SRD5A2: variants seen among roughly 807,000 people sequenced by gnomAD.
The protein encoded by SRD5A2 is steroid 5 alpha-reductase 2.
In SRD5A2, 30 loss-of-function variants were observed where a neutral mutation model predicts 27.4. The observed-to-expected ratio is 1.10, with a 90% CI of 0.82 to 1.49. The LOEUF is 1.49. Ranked by LOEUF, SRD5A2 falls within the 40% of genes most tolerant of loss-of-function variation. The probability of loss-of-function intolerance (pLI) is 0.00; values close to 1 mark genes in which losing one functional copy is unlikely to be tolerated. For missense variants in SRD5A2, 348 were observed against 323.4 expected (o/e 1.08, Z -0.58); for synonymous variants, 141 against 133.6 (o/e 1.06, Z -0.38).
chr2:31,637,113 T>C, the SRD5A2 span, among the ~76,000 whole-genome samples: 5 of 152,096 alleles, frequency 3.3e-5, no homozygotes, highest in Non-Finnish European at 5.9e-5. Context: ...GGCTTTTCTT[T>C]GATGAGAGAT....
At chr2:31,551,640 GA>G (rs1332882420) in intron 1 of SRD5A2, among the ~76,000 whole-genome samples, 1 of 152,166 alleles carries the variant, frequency 6.6e-6, no homozygotes, top group East Asian at 1.9e-4. Flanking sequence ...GGTTTCTACT[GA>G]ATGCATTTTG....
At chr2:31,605,439 C>A in the SRD5A2 span, among the ~76,000 whole-genome samples, 1 of 146,278 alleles carries the variant, frequency 6.8e-6, no homozygotes, top group East Asian at 1.9e-4. Flanking sequence ...GCTCAAACAA[C>A]TCTGTAGGAA....
At chr2:31,583,799 A>C (rs951137708), upstream of SRD5A2, among the ~76,000 whole-genome samples, 22 of 152,090 alleles carry the variant, frequency 1.4e-4, no homozygotes, top group African/African-American at 5.3e-4. Context: ...CACAGAAATG[A>C]CTATCGTGAA....
chr2:31,570,313 T>C lies in SRD5A2; in HGVS notation c.281+10307A>G, dbSNP rs143537255. On this transcript the variant is annotated intron_variant, in intron 1 of 4. Coordinates refer to ENST00000622030, the MANE Select transcript of SRD5A2 (RefSeq NM_000348.4). ...TAATAGATTCAGAAAAGGCTTTCAA[T>C]ACAACTAAACACCTCATCATGTTAA... Among the ~76,000 whole-genome samples, 717 of 152,214 alleles carry C rather than the reference T, an allele frequency of 4.7e-3. 10 individuals carry two copies. The highest frequency in any genetic ancestry group is 0.032 in the Admixed American group (484 of 15,282).
At chr2:31,642,616 A>G in the SRD5A2 span, among the ~76,000 whole-genome samples, 9 of 152,216 alleles carry the variant, frequency 5.9e-5, no homozygotes, top group East Asian at 1.7e-3. Flanking sequence ...TGACAGTTTT[A>G]TAAAGTTAAA....
At chr2:31,653,140 C>G in the SRD5A2 span, among the ~76,000 whole-genome samples, 2 of 152,160 alleles carry the variant, frequency 1.3e-5, no homozygotes, top group African/African-American at 4.8e-5. Context: ...CTAGAGCCGC[C>G]AACACCAACC....
At chr2:31,529,609 T>C (rs1450466046) in intron 3 of SRD5A2, among the ~76,000 whole-genome samples, 152 bp from the exon 4 acceptor site, 1 of 152,216 alleles carries the variant, frequency 6.6e-6, no homozygotes, top group African/African-American at 2.4e-5. Flanking sequence ...TGGAATCCTC[T>C]TGGGGAGAAG....
chr2:31,606,306 T>C, the SRD5A2 span, among the ~76,000 whole-genome samples: 1 of 152,014 alleles, frequency 6.6e-6, no homozygotes, highest in African/African-American at 2.4e-5. Context: ...ATTGGATTGT[T>C]TGTAACACAA....
chr2:31,580,704 C>A lies in SRD5A2; in HGVS notation c.197G>T (p.Gly66Val), dbSNP rs1250601374. 27 of 1,603,874 alleles carry A rather than the reference C, an allele frequency of 1.7e-5. No homozygotes were observed. The highest frequency in any genetic ancestry group is 2.3e-5 in the Non-Finnish European group (27 of 1,178,876). ...QELPSFAVPA[G>V]ILARQPLSLF... is the part of the protein sequence containing the mutation. ...GGAGAGGGGCTGCCGGGCGAGGATC[C>A]CCGCGGGCACCGCGAAGGAAGGCAG... Residue 66 changes from glycine (G) to valine (V), a missense_variant, in exon 1 of 5, where the codon GGG becomes GTG. Gly to Val is a moderately radical substitution (Grantham distance 109). Transcript: ENST00000622030.
At chr2:31,619,711 A>G in the SRD5A2 span, among the ~76,000 whole-genome samples, 1 of 151,926 alleles carries the variant, frequency 6.6e-6, no homozygotes, top group Non-Finnish European at 1.5e-5. Context: ...TTTTTTTCAT[A>G]TGATTGTTGG....
At chr2:31,549,959 A>G (rs750419273) in intron 1 of SRD5A2, among the ~76,000 whole-genome samples, 2 of 152,182 alleles carry the variant, frequency 1.3e-5, no homozygotes, top group Non-Finnish European at 2.9e-5. Context: ...TCAAGTGGCC[A>G]TGGGATATAT....
chr2:31,626,695 AG>A, the SRD5A2 span, among the ~76,000 whole-genome samples: 2 of 152,268 alleles, frequency 1.3e-5, no homozygotes, highest in African/African-American at 4.8e-5. Context: ...CTTGCATCCC[AG>A]GGATGAAGCC....
At chr2:31,616,522 C>T in the SRD5A2 span, among the ~76,000 whole-genome samples, 2 of 152,138 alleles carry the variant, frequency 1.3e-5, no homozygotes, top group African/African-American at 4.8e-5. Context: ...CAAAGAAGAT[C>T]GTTTCAGAGC....
chr2:31,610,986 G>A, the SRD5A2 span, among the ~76,000 whole-genome samples: 1 of 152,100 alleles, frequency 6.6e-6, no homozygotes, highest in African/African-American at 2.4e-5. Context: ...GCGAGCACCT[G>A]TAATCCCAGC....
intron 1 of SRD5A2, among the ~76,000 whole-genome samples, chr2:31,559,816 A>T (rs1357382399): frequency 1.3e-5 from 2 of 148,596 alleles, no homozygotes; most frequent in East Asian, 4.0e-4. Flanking sequence ...ATCAGTGCCC[A>T]TAAGTAAAAG....
the SRD5A2 span, among the ~76,000 whole-genome samples, chr2:31,641,383 C>A: frequency 7.0e-4 from 106 of 152,216 alleles, no homozygotes; most frequent in Admixed American, 3.6e-3. Flanking sequence ...ATTCTATGTG[C>A]AGTAAAAGTA....
At chr2:31,654,531 A>G in the SRD5A2 span, among the ~76,000 whole-genome samples, 1 of 152,200 alleles carries the variant, frequency 6.6e-6, no homozygotes, top group Non-Finnish European at 1.5e-5. Context: ...GGGCTTGAGT[A>G]ACATGTAATG....
the SRD5A2 span, among the ~76,000 whole-genome samples, chr2:31,599,599 C>T: frequency 1.3e-5 from 2 of 151,914 alleles, no homozygotes; most frequent in Admixed American, 6.6e-5. Context: ...TGAAACATTT[C>T]TTTAAGCAAA....
chr2:31,537,293 C>T (rs1156260222), intron 1 of SRD5A2, among the ~76,000 whole-genome samples: 1 of 152,154 alleles, frequency 6.6e-6, no homozygotes, highest in Non-Finnish European at 1.5e-5. Flanking sequence ...ATCTACTACT[C>T]CATTTTCCTG....
Sources: gnomAD v4.1 joint callset for allele counts (sites outside exome capture counted in the v4.1 genomes callset) on GRCh38, gnomAD v4.1.1 for gene constraint, MANE v1.5 for transcripts, NCBI Gene and HGNC (gene_info 2026-07-23, HGNC 2026-07-21) for gene names.